Variants in KLF8 observed in about 807,000 individuals in gnomAD.
KLF8 encodes Krueppel-like factor 8.
A neutral mutation model predicts 18.2 loss-of-function variants in KLF8; 10 were observed. The ratio of observed to expected loss-of-function variants is 0.55; its 90% CI spans 0.34 to 0.93. The LOEUF (loss-of-function observed/expected upper bound fraction) is 0.93, where lower values mean the gene tolerates loss of function less well. Ranked by LOEUF, KLF8 falls within the 40% of genes least tolerant of loss-of-function variation. The pLI, the probability that KLF8 is intolerant of heterozygous loss-of-function variation, is 0.02. For synonymous variants in KLF8, 109 were observed against 97.3 expected, an observed-to-expected ratio of 1.12 and a Z score of -0.71; for missense variants, 264 against 277.9, an observed-to-expected ratio of 0.95 and a Z score of 0.36.
chrX:56,149,271 GA>G, the KLF8 span, among the ~76,000 whole-genome samples: 1 of 111,865 alleles, frequency 8.9e-6, no homozygotes, highest in African/African-American at 3.2e-5. Flanking sequence ...AGAGGTCAGG[GA>G]TAGAAATTTA....
At chrX:56,156,555 A>G in the KLF8 span, among the ~76,000 whole-genome samples, 1 of 110,731 alleles carries the variant, frequency 9.0e-6, no homozygotes, top group East Asian at 2.8e-4. Flanking sequence ...TTGCCCTTCA[A>G]AGGACATGAT....
chrX:56,197,870 C>T, the KLF8 span, among the ~76,000 whole-genome samples: 6 of 111,955 alleles, frequency 5.4e-5, no homozygotes, highest in East Asian at 2.8e-4. Context: ...TCCAGCAGCA[C>T]ATCAAAAAGC....
the KLF8 span, among the ~76,000 whole-genome samples, chrX:56,031,621 C>T: frequency 9.0e-6 from 1 of 111,666 alleles, no homozygotes; most frequent in Non-Finnish European, 1.9e-5. Context: ...GGCTGGAGTC[C>T]TCTGCAGGGA....
the KLF8 span, among the ~76,000 whole-genome samples, chrX:56,034,875 C>T: frequency 9.7e-6 from 1 of 103,046 alleles, no homozygotes; most frequent in Admixed American, 1.1e-4. Flanking sequence ...CCTGCCTCAG[C>T]CTCCCGAGTA....
the KLF8 span, among the ~76,000 whole-genome samples, chrX:55,971,354 T>C: frequency 9.0e-6 from 1 of 111,466 alleles, no homozygotes; most frequent in African/African-American, 3.2e-5. Context: ...AAGCTGGATA[T>C]TTATAAGCAG....
chrX:55,989,658 A>G, the KLF8 span, among the ~76,000 whole-genome samples: 4 of 110,895 alleles, frequency 3.6e-5, no homozygotes, highest in African/African-American at 1.0e-4. Flanking sequence ...TTGGTCTAAA[A>G]TTCTCTTTTT....
At chrX:56,196,929 G>T in the KLF8 span, among the ~76,000 whole-genome samples, 1 of 111,599 alleles carries the variant, frequency 9.0e-6, no homozygotes, top group African/African-American at 3.3e-5. Flanking sequence ...TTAGAACTTA[G>T]GATTAAGAAA....
At chrX:56,177,443 G>T in the KLF8 span, among the ~76,000 whole-genome samples, 1 of 110,957 alleles carries the variant, frequency 9.0e-6, no homozygotes, top group Admixed American at 9.6e-5. Flanking sequence ...AAATGTTGTT[G>T]CCTGATCGTT....
chrX:56,034,976 C>T, the KLF8 span, among the ~76,000 whole-genome samples: 2 of 108,955 alleles, frequency 1.8e-5, no homozygotes, highest in African/African-American at 3.3e-5. Context: ...AGGATGGTCT[C>T]GATCTCCTGA....
chrX:55,997,142 G>T, the KLF8 span, among the ~76,000 whole-genome samples: 1 of 111,796 alleles, frequency 8.9e-6, no homozygotes, highest in Non-Finnish European at 1.9e-5. Flanking sequence ...GCCAGGCAGG[G>T]ACCCTGGGGG....
chrX:56,079,608 T>C, the KLF8 span, among the ~76,000 whole-genome samples: 1 of 111,633 alleles, frequency 9.0e-6, no homozygotes, highest in East Asian at 2.8e-4. Context: ...CTGAAAAAAA[T>C]GTATATTCTG....
chrX:56,160,610 T>C, the KLF8 span, among the ~76,000 whole-genome samples: 1 of 111,720 alleles, frequency 9.0e-6, no homozygotes. Flanking sequence ...TAGTTAGCTG[T>C]TGTTGTTGAG....
the KLF8 span, among the ~76,000 whole-genome samples, chrX:56,073,154 T>A: frequency 9.1e-6 from 1 of 109,931 alleles, no homozygotes; most frequent in Non-Finnish European, 1.9e-5. Flanking sequence ...GCCCAGCTAA[T>A]TTTTTGGTAT....
chrX:56,165,858 C>CAAA, the KLF8 span, among the ~76,000 whole-genome samples: 1 of 62,814 alleles, frequency 1.6e-5, no homozygotes. Context: ...GACCCTGTCT[C>CAAA]AAAAAAAAAA....
At chrX:56,155,635 G>A in the KLF8 span, among the ~76,000 whole-genome samples, 1 of 111,153 alleles carries the variant, frequency 9.0e-6, no homozygotes, top group African/African-American at 3.3e-5. Context: ...AAAAAGATAT[G>A]TACTTAGAAA....
the KLF8 span, among the ~76,000 whole-genome samples, chrX:55,929,742 C>A: frequency 1.8e-5 from 2 of 110,696 alleles, no homozygotes; most frequent in Admixed American, 1.9e-4. Context: ...AGTTTTGGTG[C>A]CAGTGCCATG....
the KLF8 span, among the ~76,000 whole-genome samples, chrX:56,058,258 A>G: frequency 4.1e-5 from 1 of 24,587 alleles, no homozygotes; most frequent in Non-Finnish European, 6.6e-5. Context: ...GTATATATAC[A>G]CATATATATA....
chrX:56,278,156 A>G (rs2067146646), intron 5 of KLF8, among the ~76,000 whole-genome samples: 1 of 111,880 alleles, frequency 8.9e-6, no homozygotes, highest in Non-Finnish European at 1.9e-5. Context: ...TCTGTGGCCA[A>G]TTGGTATCTA....
At chrX:55,909,101 C>A in the KLF8 span, among the ~76,000 whole-genome samples, 66 of 111,973 alleles carry the variant, frequency 5.9e-4, no homozygotes, top group African/African-American at 1.9e-3. Context: ...CCTGCAGCAA[C>A]CCTATCAGGT....
Sources: allele counts gnomAD v4.1 joint callset (sites outside exome capture counted in the v4.1 genomes callset), GRCh38; gene constraint gnomAD v4.1.1; transcripts MANE v1.5; gene names NCBI Gene and HGNC (gene_info 2026-07-23, HGNC 2026-07-21).